The following INTS6 variants were observed in gnomAD, a reference collection of about 807,000 sequenced individuals.
The protein encoded by INTS6 is DEAD box protein.
Under a neutral mutation model 104.9 loss-of-function variants are expected in INTS6, and 16 were observed. That is an observed-to-expected ratio of 0.15 (90% CI 0.10 to 0.23). INTS6 has a LOEUF of 0.23. Ranked by LOEUF, INTS6 falls within the 10% of genes least tolerant of loss-of-function variation. The pLI is 1.00. For missense variants in INTS6, 584 were observed against 1,062.8 expected, an observed-to-expected ratio of 0.55 and a Z score of 6.26; for synonymous variants, 324 against 358.7, an observed-to-expected ratio of 0.90 and a Z score of 1.09.
At chr13:51,347,129 C>T in the INTS6 span, 2 of 1,613,454 alleles carry the variant, frequency 1.2e-6, no homozygotes, top group Admixed American at 1.7e-5. Flanking sequence ...AGGCACTTGG[C>T]GAAAGAGATT....
At chr13:51,394,015 A>C (rs1956290839) in intron 5 of INTS6, among the ~76,000 whole-genome samples, 1 of 151,992 alleles carries the variant, frequency 6.6e-6, no homozygotes, top group Non-Finnish European at 1.5e-5. Flanking sequence ...TGTTAAGTAA[A>C]ATCCCCAGAG....
chr13:51,445,304 C>T (rs1211156114), intron 3 of INTS6: 2 of 152,070 alleles, frequency 1.3e-5, no homozygotes, highest in Non-Finnish European at 2.9e-5. Context: ...TTCTTTCACA[C>T]CTGCTTTTCT....
At chr13:51,355,498 C>T (rs1566195295) in intron 3 of INTS6, among the ~76,000 whole-genome samples, 1 of 152,144 alleles carries the variant, frequency 6.6e-6, no homozygotes, top group African/African-American at 2.4e-5. Flanking sequence ...GTCCCATCAG[C>T]TTCAGTCACC....
chr13:51,409,216 T>C (rs1471395285), intron 4 of INTS6, among the ~76,000 whole-genome samples: 2 of 150,304 alleles, frequency 1.3e-5, no homozygotes, highest in African/African-American at 4.9e-5. Context: ...TGAGCCGAGA[T>C]TGCACCACTG....
chr13:51,390,371 A>G (rs983064867), intron 5 of INTS6, among the ~76,000 whole-genome samples: 4 of 151,846 alleles, frequency 2.6e-5, no homozygotes, highest in Non-Finnish European at 4.4e-5. Context: ...TATTGATTTA[A>G]ATAAAATATA....
At chr13:51,392,639 G>A (rs1252681574) in intron 5 of INTS6, among the ~76,000 whole-genome samples, 3 of 152,084 alleles carry the variant, frequency 2.0e-5, no homozygotes, top group Non-Finnish European at 2.9e-5. Context: ...CTCCTCAGAC[G>A]AAAACTTAGG....
At chr13:51,359,423 A>G (rs1205640613), downstream of INTS6, among the ~76,000 whole-genome samples, 1 of 152,166 alleles carries the variant, frequency 6.6e-6, no homozygotes, top group Non-Finnish European at 1.5e-5. Context: ...GGCATGACAT[A>G]GGCTATGGAC....
intron 4 of INTS6, among the ~76,000 whole-genome samples, chr13:51,395,958 C>A (rs557931311): frequency 6.6e-6 from 1 of 152,070 alleles, no homozygotes; most frequent in African/African-American, 2.4e-5. Context: ...ACACCACGCC[C>A]AGCTAATTTT....
In INTS6 at chr13:51,423,512, C is replaced by T. The variant is rs141038591; in HGVS notation, c.429+6782G>A. ...TGCTCTTCTCTTCTTAGCCTCTCTC[C>T]TCATATATGGGGTCTAAGGAGAGTC... On this transcript the variant is annotated intron_variant, in intron 4 of 17. Coordinates refer to ENST00000311234, the MANE Select transcript of INTS6 (RefSeq NM_012141.3). 4.7e-3 allele frequency among the ~76,000 whole-genome samples: 713 copies of T among 152,164 alleles called. 7 individuals carry two copies. Among genetic ancestry groups the T allele is most frequent in the African/African-American group, 0.016 (678 of 41,528 alleles).
rs57913744 is a variant in INTS6 at position 51,409,263 on chromosome 13, AAATAATAATAATAATAAT to A, written c.430-13798_430-13781del. 5.1e-3 allele frequency among the ~76,000 whole-genome samples: 695 copies of A among 135,946 alleles called. 2 individuals are homozygous for A. Among genetic ancestry groups the A allele is most frequent in the South Asian group, 0.013 (53 of 4,156 alleles). 89.2% of individuals were successfully genotyped at this position (135,946 alleles called of 152,430 possible). A position where few individuals can be genotyped will look rare whatever the true frequency, so the allele number is the denominator to read the frequency against. Reference sequence around the variant, plus strand: ...GGGTGACAGAGTGAGAATCCGTCTCAAATAATAATAATAATAATAATAATAATAATAATAATAATAATA... The same window carrying A: ...GGGTGACAGAGTGAGAATCCGTCTCAAATAATAATAATAATAATAATAATA... On this transcript the variant is annotated intron_variant, in intron 4 of 17. Coordinates refer to ENST00000311234, the MANE Select transcript of INTS6 (RefSeq NM_012141.3).
chr13:51,372,308 T>G (rs199696705), intron 15 of INTS6, among the ~76,000 whole-genome samples: 1,650 of 147,502 alleles, frequency 0.011, 23 homozygotes, highest in East Asian at 0.071. Context: ...TTGAACAGTT[T>G]TTTTTTTTTT....
At chr13:51,399,374 C>G (rs1265060492) in intron 4 of INTS6, among the ~76,000 whole-genome samples, 1 of 152,038 alleles carries the variant, frequency 6.6e-6, no homozygotes, top group Non-Finnish European at 1.5e-5. Context: ...ACTCAGCTCA[C>G]TTTTTAATAT....
chr13:51,383,101 CA>C (rs565821299), intron 9 of INTS6, among the ~76,000 whole-genome samples: 4 of 145,238 alleles, frequency 2.8e-5, no homozygotes, highest in Non-Finnish European at 6.1e-5. Flanking sequence ...CACCCCCCCG[CA>C]AAAAAAAATA....
At chr13:51,384,680 T>C (rs1328480572) in intron 7 of INTS6, 2 of 456,558 alleles carry the variant, frequency 4.4e-6, no homozygotes, top group Admixed American at 2.3e-5. Flanking sequence ...CTTCCCCTCA[T>C]CCTCCATATT....
At chr13:51,411,421 C>T (rs1956685461) in intron 4 of INTS6, among the ~76,000 whole-genome samples, 2 of 150,860 alleles carry the variant, frequency 1.3e-5, no homozygotes, top group African/African-American at 4.9e-5. Context: ...GGCATGGTGG[C>T]GGGCACCTGT....
Position 51,383,480 on chromosome 13 carries a change from T to C in INTS6, c.1048-19A>G, listed in dbSNP as rs1956087931. 6.2e-7 allele frequency: 1 copy of C among 1,608,882 alleles called. No homozygotes were observed. Among genetic ancestry groups the C allele is most frequent in the Non-Finnish European group, 8.5e-7 (1 of 1,178,038 alleles). On this transcript the variant is annotated intron_variant, in intron 8 of 17. Transcript: ENST00000311234. ...CGTACACCTGTTAAAAAGGAGCGGT[T>C]AAAACTTTAATAACCTTTAAAGAAT...
chr13:51,388,970 T>C (rs769584124), intron 6 of INTS6, among the ~76,000 whole-genome samples: 1 of 152,222 alleles, frequency 6.6e-6, no homozygotes, highest in Non-Finnish European at 1.5e-5. Flanking sequence ...CATCTAGGAC[T>C]GAACACTTTG....
At chr13:51,356,406 T>C (rs944999313) in intron 3 of INTS6, among the ~76,000 whole-genome samples, 12 of 152,196 alleles carry the variant, frequency 7.9e-5, no homozygotes, top group African/African-American at 2.9e-4. Flanking sequence ...ATTCTATGTT[T>C]GATAATGTGC....
At chr13:51,348,649 A>T in the INTS6 span, 26 of 325,292 alleles carry the variant, frequency 8.0e-5, 1 homozygote, top group Non-Finnish European at 1.1e-4. Context: ...GAGTCTTTCC[A>T]AGACAAGATA....
Sources: gnomAD v4.1 joint callset for allele counts (sites outside exome capture counted in the v4.1 genomes callset) on GRCh38, gnomAD v4.1.1 for gene constraint, MANE v1.5 for transcripts, NCBI Gene and HGNC (gene_info 2026-07-23, HGNC 2026-07-21) for gene names.